Variants in SPAG17 observed in about 807,000 individuals in gnomAD.
SPAG17 encodes the protein sperm associated antigen 17, also known as sperm-associated antigen 17.
A neutral mutation model predicts 273.6 loss-of-function variants in SPAG17; 169 were observed. That is an observed-to-expected ratio of 0.62 (90% confidence interval 0.55 to 0.70). The LOEUF (loss-of-function observed/expected upper bound fraction) is 0.70. SPAG17 is among the 30% of genes least tolerant of loss of function. SPAG17 has a pLI of 0.00. For missense variants in SPAG17, 2,557 were observed against 2,627.8 expected, an observed-to-expected ratio of 0.97 and a Z score of 0.59; for synonymous variants, 825 against 873.2, an observed-to-expected ratio of 0.94 and a Z score of 0.97.
At chr1:117,982,836 T>C (rs2101598928) in intron 42 of SPAG17, among the ~76,000 whole-genome samples, 2 of 152,302 alleles carry the variant, frequency 1.3e-5, no homozygotes, top group South Asian at 4.1e-4. Flanking sequence ...TTAGTCTGTT[T>C]TAGTTTAGAA....
intron 20 of SPAG17, among the ~76,000 whole-genome samples, chr1:118,050,746 G>T (rs1650907453): frequency 6.6e-6 from 1 of 152,090 alleles, no homozygotes; most frequent in Non-Finnish European, 1.5e-5. Flanking sequence ...AACACAAAAT[G>T]GATTAAAGAC....
At chr1:118,060,804 G>A (rs1571374413) in intron 18 of SPAG17, among the ~76,000 whole-genome samples, 1 of 152,046 alleles carries the variant, frequency 6.6e-6, no homozygotes, top group East Asian at 1.9e-4. Context: ...ATTCTCAATT[G>A]TGTTATAAAT....
intron 3 of SPAG17, among the ~76,000 whole-genome samples, chr1:118,135,371 ATGTGTGTG>A (rs57793942): frequency 0.026 from 3,687 of 139,990 alleles, 103 homozygotes; most frequent in African/African-American, 0.066. Context: ...AGCTCAAGCA[ATGTGTGTG>A]TGTGTGTGTG....
At chr1:117,966,831 G>T in intron 46 of SPAG17, 78 bp from the exon 47 acceptor site, 1 of 1,298,190 alleles carries the variant, frequency 7.7e-7, no homozygotes, top group Admixed American at 2.7e-5. Context: ...ATTTGAGCAA[G>T]TTACTTAAAC....
intron 30 of SPAG17, 108 bp from the exon 31 acceptor site, chr1:118,008,306 G>GAAA (rs1382433915): frequency 7.8e-7 from 1 of 1,280,858 alleles, no homozygotes; most frequent in East Asian, 2.5e-5. Context: ...ATTCCCCATG[G>GAAA]AAAAAACACA....
chr1:118,166,938 T>TG (rs1415774581), intron 1 of SPAG17, among the ~76,000 whole-genome samples: 1 of 152,198 alleles, frequency 6.6e-6, no homozygotes, highest in Non-Finnish European at 1.5e-5. Context: ...TACATTGCAA[T>TG]GGTACATCTG....
chr1:118,023,164 ATATG>A (rs1265950983), intron 28 of SPAG17, 136 bp downstream of exon 28: 2 of 501,826 alleles, frequency 4.0e-6, no homozygotes, highest in East Asian at 7.0e-5. Context: ...GAATTCATTT[ATATG>A]TATGTATGTA....
chr1:118,161,607 G>A (rs974496251), intron 1 of SPAG17, among the ~76,000 whole-genome samples: 3 of 151,850 alleles, frequency 2.0e-5, no homozygotes, highest in Non-Finnish European at 4.4e-5. Context: ...GCAGGATCTC[G>A]GCACACTGCA....
chr1:117,966,611 G>C lies in SPAG17; in HGVS notation c.6530C>G (p.Ala2177Gly). The C allele has an allele frequency of 1.2e-6, 2 of 1,602,562 alleles. No individual in the cohort carries two copies. Among genetic ancestry groups the C allele is most frequent in the Non-Finnish European group, 1.7e-6 (2 of 1,176,190 alleles). The change falls in exon 47 of 49, where the codon GCA becomes GGA. Residue 2177 changes from alanine to glycine, a missense_variant and splice_region_variant. Coordinates refer to ENST00000336338, the MANE Select transcript of SPAG17 (RefSeq NM_206996.4). ...EHEVLFLPVE[A>G]TVLTSSNYDK... The stretch of plus-strand genomic sequence containing the variant: ...TCAAGTTGAACTTTAAAGGATATTT[G>C]CTTCCACAGGTAGGAACAGAACCTC...
intron 18 of SPAG17, among the ~76,000 whole-genome samples, chr1:118,060,215 G>C (rs1652132729): frequency 2.0e-5 from 3 of 151,664 alleles, no homozygotes; most frequent in Admixed American, 6.6e-5. Flanking sequence ...TTTGCTTTGT[G>C]GTTACATAAA....
intron 20 of SPAG17, among the ~76,000 whole-genome samples, chr1:118,052,527 G>T (rs1651177977): frequency 6.6e-6 from 1 of 151,850 alleles, no homozygotes. Flanking sequence ...CTTGAAAATT[G>T]CTAAGAAATT....
intron 15 of SPAG17, among the ~76,000 whole-genome samples, chr1:118,080,759 C>T (rs1195716051): frequency 6.6e-6 from 1 of 152,062 alleles, no homozygotes; most frequent in Non-Finnish European, 1.5e-5. Context: ...TGATTTTGAA[C>T]CAAGCTCTGT....
At chr1:118,034,027 T>A (rs1050242507) in intron 24 of SPAG17, among the ~76,000 whole-genome samples, 2 of 152,222 alleles carry the variant, frequency 1.3e-5, no homozygotes, top group Admixed American at 1.3e-4. Flanking sequence ...AGTGGCTCAG[T>A]GCCAGCAAGT....
intron 3 of SPAG17, among the ~76,000 whole-genome samples, chr1:118,149,536 AT>A (rs1165773340): frequency 6.6e-6 from 1 of 152,236 alleles, no homozygotes; most frequent in African/African-American, 2.4e-5. Context: ...GACAAAGTAT[AT>A]TATTTGACTG....
chr1:118,091,909 A>C lies in SPAG17; in HGVS notation c.1246+21T>G, dbSNP rs752210465. ...TGCCAGCTCATGGTGTTGATCCTCCAGCAGCCGATTTCATACATGCCTGGT... is the reference window on the plus strand; with the variant it reads ...TGCCAGCTCATGGTGTTGATCCTCCCGCAGCCGATTTCATACATGCCTGGT... On this transcript the variant is annotated intron_variant, in intron 9 of 48. Transcript: ENST00000336338. The C allele has an allele frequency of 3.7e-6, 6 of 1,612,894 alleles. No individual in the cohort carries two copies. In the East Asian group the frequency reaches 1.3e-4, roughly 36 times the overall value.
intron 43 of SPAG17, among the ~76,000 whole-genome samples, chr1:117,979,427 C>T (rs913104835): frequency 6.6e-6 from 1 of 152,072 alleles, no homozygotes; most frequent in African/African-American, 2.4e-5. Flanking sequence ...TGATATAGTT[C>T]CTATTAATTT....
At chr1:117,980,009 G>A (rs1655598508) in intron 43 of SPAG17, among the ~76,000 whole-genome samples, 2 of 152,082 alleles carry the variant, frequency 1.3e-5, no homozygotes, top group African/African-American at 2.4e-5. Context: ...ATATTGTCTA[G>A]GTTTGCCCAT....
intron 32 of SPAG17, among the ~76,000 whole-genome samples, chr1:117,998,930 C>A (rs886263446): frequency 2.6e-5 from 4 of 152,090 alleles, no homozygotes; most frequent in Non-Finnish European, 1.5e-5. Flanking sequence ...TTGCTGCACC[C>A]ATCAACCTGT....
At chr1:118,135,383 G>A (rs1315166712) in intron 3 of SPAG17, among the ~76,000 whole-genome samples, 1 of 150,266 alleles carries the variant, frequency 6.7e-6, no homozygotes, top group East Asian at 1.9e-4. Flanking sequence ...GTGTGTGTGT[G>A]TGTGTGTGTG....
Sources: allele counts gnomAD v4.1 joint callset (sites outside exome capture counted in the v4.1 genomes callset), GRCh38; gene constraint gnomAD v4.1.1; transcripts MANE v1.5; gene names NCBI Gene and HGNC (gene_info 2026-07-23, HGNC 2026-07-21).